RTL1: variants seen among roughly 807,000 people sequenced by gnomAD.
The protein encoded by RTL1 is retrotransposon Gag like 1, also known as retrotransposon-like protein 1.
For missense variants in RTL1, 1,681 were observed against 1,767.5 expected (o/e 0.95, Z 0.88); for synonymous variants, 727 against 748.4 (o/e 0.97, Z 0.47).
At chr14:100,896,884 C>T (rs896663290) in intron 2 of RTL1, among the ~76,000 whole-genome samples, 11 of 152,196 alleles carry the variant, frequency 7.2e-5, no homozygotes, top group African/African-American at 2.7e-4. Flanking sequence ...GGTCCCTGTC[C>T]CCACCGCCTG....
At position 100,881,099 on chromosome 14, in the gene RTL1, G is replaced by A. The variant is rs1391900152; in HGVS notation, c.3690C>T (p.Val1230=). The A allele has an allele frequency of 3.1e-6, 5 of 1,591,076 alleles. No individual in the cohort carries two copies. Among genetic ancestry groups the A allele is most frequent in the Admixed American group, 1.7e-5 (1 of 57,616 alleles). ...CGTCTTGCAGGGCTTCTCGCAAGAC[G>A]ACATCCTCATCACCAACGACGTGCA... ...LELHVVGDED[V]VLREALQDDL... is the part of the protein sequence containing the mutation. The change falls in exon 4 of 4, where the codon GTC becomes GTT. Residue 1230 remains valine (V), a synonymous_variant. Coordinates refer to ENST00000649591, the MANE Select transcript of RTL1 (RefSeq NM_001134888.3). The surrounding 1 kb of genome is among the most constrained non-coding windows in gnomAD (Gnocchi z 6.6).
rs2038638413 is a variant in RTL1 at position 100,882,851 on chromosome 14, G to A, written c.1938C>T (p.Tyr646=). ...CAAACAGTTCCGGAATCATCTGTAT[G>A]TAGTCCTGTCTGTTGGTCAGCATGT... is the stretch of plus-strand genomic sequence containing the variant. ...LQDMLTNRQD[Y]IQMIPELFDQ... The change falls in exon 4 of 4, where the codon TAC becomes TAT. Residue 646 remains tyrosine (Y), a synonymous_variant. Coordinates refer to ENST00000649591, the MANE Select transcript of RTL1 (RefSeq NM_001134888.3). The A allele has an allele frequency of 1.3e-6, 2 of 1,556,844 alleles. No individual in the cohort carries two copies. The highest frequency in any genetic ancestry group is 1.4e-5 in the African/African-American group (1 of 73,424).
At chr14:100,898,641 C>T (rs2038901188) in intron 2 of RTL1, among the ~76,000 whole-genome samples, 1 of 152,194 alleles carries the variant, frequency 6.6e-6, no homozygotes, top group Non-Finnish European at 1.5e-5. Flanking sequence ...TGTTTACCTG[C>T]TAGGCGCACC....
In RTL1 at chr14:100,884,410, T is replaced by G. The variant is rs1183624698; in HGVS notation, c.379A>C (p.Asn127His). ...TGTTCTTCTCGGGCTCCCGATGGGT[T>G]GACTGATGCTTCTTTCATCCTATCA... ...ASDRMKEASV[N>H]PSGAREEQEA... The change falls in exon 4 of 4, where the codon AAC becomes CAC. Residue 127 changes from asparagine (N) to histidine (H), a missense_variant. By Grantham distance (68) the Asn-to-His change is moderately conservative. Coordinates refer to ENST00000649591, the MANE Select transcript of RTL1 (RefSeq NM_001134888.3). The G allele has an allele frequency of 1.2e-6, 2 of 1,609,944 alleles. No individual in the cohort carries two copies. The highest frequency in any genetic ancestry group is 3.4e-5 in the Admixed American group (2 of 59,444).
chr14:100,883,913 G>C lies in RTL1; in HGVS notation c.876C>G (p.Phe292Leu). 6.4e-7 allele frequency: 1 copy of C among 1,551,622 alleles called. No homozygotes were observed. Among genetic ancestry groups the C allele is most frequent in the South Asian group, 1.2e-5 (1 of 84,060 alleles). Residue 292 changes from phenylalanine to leucine, a missense_variant, in exon 4 of 4, where the codon TTC (phenylalanine) becomes TTG (leucine). Physicochemically the swap from Phe to Leu is conservative, Grantham distance 22 (BLOSUM62 0). Coordinates refer to ENST00000649591, the MANE Select transcript of RTL1 (RefSeq NM_001134888.3). The surrounding 1 kb of genome is among the most constrained non-coding windows in gnomAD (Gnocchi z 5.9). ...QALRVAEEAM[F>L]TIRQGGRSAT... is the part of the protein sequence containing the mutation. ...CAGAGCGGCCGCCCTGCCTGATGGT[G>C]AACATGGCCTCTTCTGCCACACGCA...
chr14:100,897,789 A>AGGGG (rs2038888569), intron 2 of RTL1: 3 of 106,628 alleles, frequency 2.8e-5, no homozygotes, highest in South Asian at 1.6e-4. Context: ...GGGGGGGGGC[A>AGGGG]GTGAATTGGT....
At chr14:100,899,630 A>G (rs2140059646) in intron 2 of RTL1, among the ~76,000 whole-genome samples, 1 of 151,996 alleles carries the variant, frequency 6.6e-6, no homozygotes, top group African/African-American at 2.4e-5. Context: ...CACCCTGAGC[A>G]CAGACCCAGC....
chr14:100,886,349 T>G (rs766561945), intron 3 of RTL1, among the ~76,000 whole-genome samples: 4 of 152,220 alleles, frequency 2.6e-5, no homozygotes, highest in Non-Finnish European at 5.9e-5. Context: ...GACACTTAAA[T>G]TTGATCATGC....
intron 2 of RTL1, among the ~76,000 whole-genome samples, chr14:100,901,226 G>A (rs2038937300): frequency 6.6e-6 from 1 of 152,224 alleles, no homozygotes; most frequent in Non-Finnish European, 1.5e-5. Flanking sequence ...CTGCCCCCGA[G>A]GACCTTGGGC....
In RTL1 at chr14:100,883,024, C is replaced by T; in HGVS notation, c.1765G>A (p.Glu589Lys). The T allele has an allele frequency of 6.2e-7, 1 of 1,614,134 alleles. No homozygotes were observed. Among genetic ancestry groups the T allele is most frequent in the Middle Eastern group, 1.6e-4 (1 of 6,062 alleles). ...PSSDGSDDLS[E>K]SEPSELQQAG... ...TGCTGAAGCTCAGAGGGCTCTGATT[C>T]AGAAAGATCATCGGATCCGTCTGAG... The change falls in exon 4 of 4, where the codon GAA becomes AAA. Residue 589 changes from glutamate to lysine, a missense_variant. Glu to Lys is a moderately conservative substitution (Grantham distance 56, BLOSUM62 1). Transcript: ENST00000649591. The surrounding 1 kb of genome is among the most constrained non-coding windows in gnomAD (Gnocchi z 5.9).
At chr14:100,898,885 T>C (rs1202634739) in intron 2 of RTL1, 1 of 152,244 alleles carries the variant, frequency 6.6e-6, no homozygotes, top group Non-Finnish European at 1.5e-5. Flanking sequence ...TTAAAGGGAA[T>C]GTTTTGCATT....
At position 100,884,222 on chromosome 14, in the gene RTL1, C is replaced by T. The variant is rs1437142543; in HGVS notation, c.567G>A (p.Glu189=). The T allele has an allele frequency of 1.3e-6, 2 of 1,551,760 alleles. No individual in the cohort carries two copies. The highest frequency in any genetic ancestry group is 2.4e-5 in the East Asian group (1 of 40,920). Residue 189 remains glutamate, a synonymous_variant, in exon 4 of 4, where the codon GAG becomes GAA. Coordinates refer to ENST00000649591, the MANE Select transcript of RTL1 (RefSeq NM_001134888.3). ...CTGCATTGATCCCTTTGATCAAGAT[C>T]TCTTCTGCTACTCTCTGTTGCTCTT... ...DLKEQQRVAE[E]ILIKGINAGQ...
chr14:100,890,881 G>A (rs1192247598), intron 3 of RTL1, among the ~76,000 whole-genome samples: 1 of 152,184 alleles, frequency 6.6e-6, no homozygotes, highest in Non-Finnish European at 1.5e-5. Context: ...TGGACATGCA[G>A]GGACCCTGGG....
At position 100,882,024 on chromosome 14, in the gene RTL1, A is replaced by C. The variant is rs768214358; in HGVS notation, c.2765T>G (p.Met922Arg). 6.2e-6 allele frequency: 10 copies of C among 1,613,570 alleles called. No homozygotes were observed. Among genetic ancestry groups the C allele is most frequent in the Non-Finnish European group, 1.7e-6 (2 of 1,179,858 alleles). Reference sequence around the variant, plus strand: ...GGCAGCCCGTATTGGAAGAATCTTCATCTCCGCTTGAGAGTACTCAACCTC... The same window carrying C: ...GGCAGCCCGTATTGGAAGAATCTTCCTCTCCGCTTGAGAGTACTCAACCTC... Reference protein sequence around the residue: ...PIEVEYSQAEMKILPIRAAFM... With the variant: ...PIEVEYSQAERKILPIRAAFM... The change falls in exon 4 of 4, where the codon ATG becomes AGG. Residue 922 changes from methionine (M) to arginine (R), a missense_variant. Physicochemically the swap from Met to Arg is moderately conservative, Grantham distance 91. Transcript: ENST00000649591.
chr14:100,895,497 C>A (rs117142749), intron 2 of RTL1, among the ~76,000 whole-genome samples: 4,422 of 152,246 alleles, frequency 0.029, 93 homozygotes, highest in Middle Eastern at 0.11. Context: ...AGAAAAGGCA[C>A]TTATTTTAGG....
intron 3 of RTL1, among the ~76,000 whole-genome samples, chr14:100,889,339 T>G (rs191628830): frequency 3.3e-4 from 50 of 152,370 alleles, no homozygotes; most frequent in Middle Eastern, 6.8e-3. Context: ...TGCCTGAGCA[T>G]GAAATGAAAA....
intron 2 of RTL1, among the ~76,000 whole-genome samples, 178 bp downstream of exon 2, chr14:100,903,113 A>T (rs74781247): frequency 2.8e-3 from 422 of 152,314 alleles, no homozygotes; most frequent in African/African-American, 8.7e-3. Context: ...TGTATATAAC[A>T]GCACGAGGGG....
chr14:100,883,307 G>A lies in RTL1; in HGVS notation c.1482C>T (p.Ile494=), dbSNP rs751568393. Residue 494 remains isoleucine, a synonymous_variant, in exon 4 of 4, where the codon ATC becomes ATT. Coordinates refer to ENST00000649591, the MANE Select transcript of RTL1 (RefSeq NM_001134888.3). The surrounding 1 kb of genome is among the most constrained non-coding windows in gnomAD (Gnocchi z 5.9). ...QNHQESIEFD[I]VPSPNFSVVL... is the part of the protein sequence containing the mutation. ...CCACAGAGAAGTTCGGTGAAGGTAC[G>A]ATGTCAAATTCGATGGACTCCTGGT... The A allele has an allele frequency of 1.6e-5, 25 of 1,551,236 alleles. No homozygotes were observed. In the East Asian group the frequency reaches 3.2e-4, roughly 20 times the overall value.
In RTL1 at chr14:100,883,762, G is replaced by C. The variant is rs1267706052; in HGVS notation, c.1027C>G (p.Gln343Glu). The change falls in exon 4 of 4, where the codon CAG becomes GAG. Residue 343 changes from glutamine (Q) to glutamate (E), a missense_variant. Gln to Glu is a conservative substitution (Grantham distance 29). Transcript: ENST00000649591. The surrounding 1 kb of genome is among the most constrained non-coding windows in gnomAD (Gnocchi z 5.9). ...EIRHYLFRVP[Q>E]PDSLDSLIVL... ...ATCAGACTGTCTAGGGAATCCGGCT[G>C]AGGGACCCGGAATAGATAGTGCCTG... is the stretch of plus-strand genomic sequence containing the variant. The C allele has an allele frequency of 1.2e-5, 18 of 1,551,674 alleles. No homozygotes were observed. Among genetic ancestry groups the C allele is most frequent in the Non-Finnish European group, 1.5e-5 (17 of 1,146,994 alleles).
Sources: gnomAD v4.1 joint callset for allele counts (sites outside exome capture counted in the v4.1 genomes callset) on GRCh38, gnomAD v4.1.1 for gene constraint, Gnocchi (gnomAD v3.1) non-coding constraint, MANE v1.5 for transcripts, NCBI Gene and HGNC (gene_info 2026-07-23, HGNC 2026-07-21) for gene names.